The following SMAD2 variants were observed in gnomAD, a reference collection of about 807,000 sequenced individuals.
The protein encoded by SMAD2 is SMAD family member 2.
A neutral mutation model predicts 64.4 loss-of-function variants in SMAD2; 8 were observed. The ratio of observed to expected loss-of-function variants is 0.12; its 90% CI spans 0.07 to 0.22. The LOEUF (loss-of-function observed/expected upper bound fraction) is 0.22. SMAD2 is among the 10% of genes least tolerant of loss of function. SMAD2 has a pLI of 1.00. For synonymous variants in SMAD2, 203 were observed against 195.8 expected, an observed-to-expected ratio of 1.04 and a Z score of -0.31; for missense variants, 289 against 561.2, an observed-to-expected ratio of 0.51 and a Z score of 4.90.
At position 47,836,748 on chromosome 18, in the gene SMAD2, A is replaced by AT. The variant is rs1913449541; in HGVS notation, c.*5078_*5079insA. 9.0e-6 allele frequency: 2 copies of AT among 221,054 alleles called. 1 individual carries two copies. The highest frequency in any genetic ancestry group is 3.7e-4 in the South Asian group (2 of 5,434). 13.7% of individuals were successfully genotyped at this position (221,054 alleles called of 1,614,324 possible). A position where few individuals can be genotyped will look rare whatever the true frequency, so the allele number is the denominator to read the frequency against. ...AAAAATTACATGAACACACGAGATA[A>AT]GTTCTTATCGTAAATGCTATCATGA... On this transcript the variant is annotated 3_prime_UTR_variant, in exon 11 of 11. Coordinates refer to ENST00000262160, the MANE Select transcript of SMAD2 (RefSeq NM_005901.6).
chr18:47,928,765 TA>T (rs949035270), intron 1 of SMAD2, among the ~76,000 whole-genome samples: 38 of 152,310 alleles, frequency 2.5e-4, no homozygotes, highest in African/African-American at 9.1e-4. Context: ...TGGCTAAGTA[TA>T]AAAACCAAGC....
intron 1 of SMAD2, among the ~76,000 whole-genome samples, chr18:47,901,191 A>T (rs1044145883): frequency 6.6e-6 from 1 of 152,010 alleles, no homozygotes; most frequent in African/African-American, 2.4e-5. Flanking sequence ...TGTTTGGGCT[A>T]TTTTACTGGG....
chr18:47,893,272 A>T (rs1195783121), intron 2 of SMAD2, among the ~76,000 whole-genome samples: 1 of 152,186 alleles, frequency 6.6e-6, no homozygotes, highest in Non-Finnish European at 1.5e-5. Context: ...AGGCAACAAG[A>T]GTAATGAGAT....
intron 1 of SMAD2, among the ~76,000 whole-genome samples, chr18:47,928,623 CT>C (rs138911058): frequency 0.085 from 12,991 of 152,234 alleles, 739 homozygotes; most frequent in Middle Eastern, 0.17. Context: ...TCTTAAAAGA[CT>C]ATTATTTCAT....
chr18:47,891,341 G>C (rs544885202), intron 2 of SMAD2, among the ~76,000 whole-genome samples: 129 of 151,930 alleles, frequency 8.5e-4, no homozygotes, highest in Middle Eastern at 3.2e-3. Context: ...AAATGTTAAT[G>C]GCAGCATTAA....
intron 1 of SMAD2, among the ~76,000 whole-genome samples, chr18:47,928,038 AG>A (rs2034838226): frequency 6.6e-6 from 1 of 152,234 alleles, no homozygotes; most frequent in Admixed American, 6.5e-5. Context: ...ACAGAAACTA[AG>A]GGCCTAAAAA....
chr18:47,885,620 T>C (rs1456311601), intron 2 of SMAD2, among the ~76,000 whole-genome samples: 1 of 152,154 alleles, frequency 6.6e-6, no homozygotes, highest in Non-Finnish European at 1.5e-5. Context: ...TCCACATCCA[T>C]GGACAGAAAA....
At position 47,874,342 on chromosome 18, in the gene SMAD2, C is replaced by T. The variant is rs184774780; in HGVS notation, c.237-3778G>A. On this transcript the variant is annotated intron_variant, in intron 2 of 10. Transcript: ENST00000262160. ...TCTACACTGAATGACTCCACTTATACGAAGCTCTAGAAGTGGCAGAACAAA... is the reference window on the plus strand; with the variant it reads ...TCTACACTGAATGACTCCACTTATATGAAGCTCTAGAAGTGGCAGAACAAA... Among the ~76,000 whole-genome samples, 7 of 152,212 alleles carry T rather than the reference C, an allele frequency of 4.6e-5. No homozygotes were observed. The South Asian group carries it at 6.2e-4, about 14-fold the overall frequency.
rs1913206141 is a variant in SMAD2 at position 47,834,343 on chromosome 18, G to C, written c.*7484C>G. 4.8e-6 allele frequency: 1 copy of C among 208,230 alleles called. No individual in the cohort carries two copies. Among genetic ancestry groups the C allele is most frequent in the South Asian group, 1.9e-4 (1 of 5,318 alleles). The allele number at this position is 208,230 out of a possible 1,614,324, so 12.9% of individuals were successfully genotyped here. ...GTACTCTCAATGGAGAATCGCTTTTGGGCAGTGGTTAAGGCCTCTGATGTG... is the reference window on the plus strand; with the variant it reads ...GTACTCTCAATGGAGAATCGCTTTTCGGCAGTGGTTAAGGCCTCTGATGTG... On this transcript the variant is annotated 3_prime_UTR_variant, in exon 11 of 11. Transcript: ENST00000262160.
intron 6 of SMAD2, among the ~76,000 whole-genome samples, chr18:47,852,347 T>G (rs1157634530): frequency 2.0e-5 from 3 of 152,212 alleles, no homozygotes; most frequent in Non-Finnish European, 4.4e-5. Flanking sequence ...AAAACAGTGA[T>G]GACGGTGGAT....
rs1421152398 is a variant in SMAD2 at position 47,831,694 on chromosome 18, G to A, written c.*10133C>T. On this transcript the variant is annotated 3_prime_UTR_variant, in exon 11 of 11. Transcript: ENST00000262160. ...TATCACTGAATCTGTTATCTGCTAA[G>A]TCTGATTCAATGTTCTTGCCTTCTA... is the stretch of plus-strand genomic sequence containing the variant. The A allele has an allele frequency of 6.6e-6, 1 of 152,180 alleles. No homozygotes were observed. Among genetic ancestry groups the A allele is most frequent in the Admixed American group, 6.5e-5 (1 of 15,276 alleles). The allele number at this position is 152,180 out of a possible 1,614,324, so 9.4% of individuals were successfully genotyped here.
Position 47,838,643 on chromosome 18 carries a change from A to G in SMAD2, c.*3184T>C, listed in dbSNP as rs139145682. ...GGCCTAAATCCAGTTATATTTTTCT[A>G]ATCGTTGACCAGTGGTTATAAAGAC... On this transcript the variant is annotated 3_prime_UTR_variant, in exon 11 of 11. Coordinates refer to ENST00000262160, the MANE Select transcript of SMAD2 (RefSeq NM_005901.6). 4.7e-3 allele frequency: 1,101 copies of G among 232,992 alleles called. 10 individuals are homozygous for G. The highest frequency in any genetic ancestry group is 0.022 in the African/African-American group (986 of 45,444). The allele number at this position is 232,992 out of a possible 1,614,324, so 14.4% of individuals were successfully genotyped here.
At chr18:47,927,499 G>C (rs550863118) in intron 1 of SMAD2, among the ~76,000 whole-genome samples, 10 of 152,332 alleles carry the variant, frequency 6.6e-5, no homozygotes, top group Admixed American at 3.3e-4. Context: ...CTCCATTAAG[G>C]AACAGGGGTG....
chr18:47,908,216 C>T (rs952118632), intron 1 of SMAD2, among the ~76,000 whole-genome samples: 1 of 152,080 alleles, frequency 6.6e-6, no homozygotes, highest in Non-Finnish European at 1.5e-5. Context: ...GGCAAATGTT[C>T]GTGGATGGAG....
intron 2 of SMAD2, among the ~76,000 whole-genome samples, chr18:47,884,455 G>A (rs1166084226): frequency 2.0e-5 from 3 of 151,988 alleles, no homozygotes; most frequent in Non-Finnish European, 2.9e-5. Flanking sequence ...ACATTATTCC[G>A]CCCCATATAT....
At position 47,811,344 on chromosome 18, in the gene SMAD2, C is replaced by CCT. The variant is rs1912194265; in HGVS notation, c.*30481_*30482dup. ...AATTAGCCAGGCGTGGCGGCGTGCA[C>CCT]CTATAGTCCCAGCTGCTGGGGAGGC... On this transcript the variant is annotated 3_prime_UTR_variant, in exon 11 of 11. Transcript: ENST00000262160. 6.6e-6 allele frequency: 1 copy of CCT among 152,122 alleles called. No homozygotes were observed. The highest frequency in any genetic ancestry group is 2.4e-5 in the African/African-American group (1 of 41,364). 9.4% of individuals were successfully genotyped at this position (152,122 alleles called of 1,614,324 possible). A position where few individuals can be genotyped will look rare whatever the true frequency, so the allele number is the denominator to read the frequency against.
rs1469274549 is a variant in SMAD2 at position 47,837,676 on chromosome 18, A to G, written c.*4151T>C. On this transcript the variant is annotated 3_prime_UTR_variant, in exon 11 of 11. Transcript: ENST00000262160. ...GAAGAATAAAATTCAGGCAATGAAT[A>G]TAATAGATTTAGCAAAGTAAAGCAT... 2 of 233,038 alleles carry G rather than the reference A, an allele frequency of 8.6e-6. No homozygotes were observed. Among genetic ancestry groups the G allele is most frequent in the Non-Finnish European group, 8.5e-6 (1 of 117,900 alleles). 14.4% of individuals were successfully genotyped at this position (233,038 alleles called of 1,614,324 possible). A position where few individuals can be genotyped will look rare whatever the true frequency, so the allele number is the denominator to read the frequency against.
rs1912958642 is a variant in SMAD2 at position 47,830,803 on chromosome 18, T to G, written c.*11024A>C. On this transcript the variant is annotated 3_prime_UTR_variant, in exon 11 of 11. Transcript: ENST00000262160. Reference sequence around the variant, plus strand: ...TTTCTTAAGTTCAAGATACGTACTCTCAATGGAGAATCGCTGTTGGGCAGT... The same window carrying G: ...TTTCTTAAGTTCAAGATACGTACTCGCAATGGAGAATCGCTGTTGGGCAGT... 1 of 157,002 alleles carries G rather than the reference T, an allele frequency of 6.4e-6. No individual in the cohort carries two copies. Among genetic ancestry groups the G allele is most frequent in the African/African-American group, 2.4e-5 (1 of 41,618 alleles). The allele number at this position is 157,002 out of a possible 1,614,324, so 9.7% of individuals were successfully genotyped here.
intron 6 of SMAD2, among the ~76,000 whole-genome samples, chr18:47,864,731 C>T (rs1683325638): frequency 6.6e-6 from 1 of 151,686 alleles, no homozygotes; most frequent in African/African-American, 2.4e-5. Context: ...GGTTTTTTAT[C>T]ACAGAGAGAT....
Sources: gnomAD v4.1 joint callset for allele counts (sites outside exome capture counted in the v4.1 genomes callset) on GRCh38, gnomAD v4.1.1 for gene constraint, MANE v1.5 for transcripts, NCBI Gene and HGNC (gene_info 2026-07-23, HGNC 2026-07-21) for gene names.